Variants in SLC38A2 observed in about 807,000 individuals in gnomAD.
The protein encoded by SLC38A2 is sodium-coupled neutral amino acid symporter 2.
SLC38A2 carries 11 observed loss-of-function variants against 61.5 expected under a neutral mutation model. The ratio of observed to expected loss-of-function variants is 0.18; its 90% CI spans 0.11 to 0.30. The LOEUF is 0.30. SLC38A2 is among the 10% of genes least tolerant of loss of function. The pLI is 1.00. For synonymous variants in SLC38A2, 217 were observed against 212.5 expected, an observed-to-expected ratio of 1.02 and a Z score of -0.18; for missense variants, 522 against 600.4, an observed-to-expected ratio of 0.87 and a Z score of 1.36.
chr12:46,365,529 T>A (rs562630832), intron 7 of SLC38A2, among the ~76,000 whole-genome samples: 1 of 152,260 alleles, frequency 6.6e-6, no homozygotes, highest in Admixed American at 6.5e-5. Context: ...TAATCTTATC[T>A]TTAAGCACTT....
In SLC38A2 at chr12:46,368,234, T is replaced by C. The variant is rs138570558; in HGVS notation, c.315-894A>G. Among the ~76,000 whole-genome samples, 164 of 152,286 alleles carry C rather than the reference T, an allele frequency of 1.1e-3. No homozygotes were observed. The East Asian group carries it at 0.015, about 14-fold the overall frequency. On this transcript the variant is annotated intron_variant, in intron 4 of 15. Transcript: ENST00000256689. ...TGGGCACAAATCAGAGAACTAACCATTGTGATGACATACTACATTGCACCC... is the reference window on the plus strand; with the variant it reads ...TGGGCACAAATCAGAGAACTAACCACTGTGATGACATACTACATTGCACCC...
At chr12:46,372,078 C>CA (rs780354866) in intron 1 of SLC38A2, among the ~76,000 whole-genome samples, 12 of 152,246 alleles carry the variant, frequency 7.9e-5, no homozygotes, top group Admixed American at 2.0e-4. Context: ...CGTCGATTGT[C>CA]AAATGTTCCC....
At chr12:46,368,228 T>G (rs550912144) in intron 4 of SLC38A2, among the ~76,000 whole-genome samples, 9 of 152,132 alleles carry the variant, frequency 5.9e-5, no homozygotes, top group African/African-American at 1.9e-4. Flanking sequence ...ATCAGAGAAC[T>G]AACCATTGTG....
At chr12:46,361,997 T>C in intron 15 of SLC38A2, 1 of 249,084 alleles carries the variant, frequency 4.0e-6, no homozygotes, top group Non-Finnish European at 7.7e-6. Flanking sequence ...TGAAAACTGG[T>C]TGAACAAATG....
intron 1 of SLC38A2, chr12:46,371,646 C>T (rs913064123): frequency 7.9e-6 from 2 of 252,278 alleles, no homozygotes; most frequent in South Asian, 5.0e-5. Flanking sequence ...CTCTATTGTC[C>T]CTCGTCGGAG....
Position 46,363,035 on chromosome 12 carries a change from C to T in SLC38A2, c.1165G>A (p.Val389Ile). The change falls in exon 13 of 16, where the codon GTA (valine) becomes ATA (isoleucine). Residue 389 changes from valine (V) to isoleucine (I), a missense_variant. Val to Ile is a conservative substitution (Grantham distance 29). Around this residue, in one of 3 missense-constraint regions of SLC38A2, gnomAD observed 309 missense variants for 343.9 expected, o/e 0.90. Transcript: ENST00000256689. ...VLMAVTLTVP[V>I]VIFPIRSSVT... ...TGATTACTTACTGGGAAAATAACTA[C>T]TGGTACTGTCAGGGTCACAGCCATT... 6.2e-7 allele frequency: 1 copy of T among 1,612,910 alleles called. No individual in the cohort carries two copies. Among genetic ancestry groups the T allele is most frequent in the Non-Finnish European group, 8.5e-7 (1 of 1,179,168 alleles).
In SLC38A2 at chr12:46,359,074, G is replaced by T. The variant is rs1943053206; in HGVS notation, c.*2037C>A. ...TTTCCATTCCTTCCTGGTTGCCACAGTATCTTCTCCCATACAAAAAAAAAA... is the reference window on the plus strand; with the variant it reads ...TTTCCATTCCTTCCTGGTTGCCACATTATCTTCTCCCATACAAAAAAAAAA... On this transcript the variant is annotated 3_prime_UTR_variant, in exon 16 of 16. Transcript: ENST00000256689. 7.5e-6 allele frequency: 1 copy of T among 132,734 alleles called. No homozygotes were observed. The highest frequency in any genetic ancestry group is 3.1e-5 in the African/African-American group (1 of 32,176). The allele number at this position is 132,734 out of a possible 1,614,324, so 8.2% of individuals were successfully genotyped here. A position where few individuals can be genotyped will look rare whatever the true frequency, so the allele number is the denominator to read the frequency against.
rs543612214 is a variant in SLC38A2, at chr12:46,367,646, G to A, written c.315-306C>T. Among the ~76,000 whole-genome samples the A allele has an allele frequency of 4.3e-4, 65 of 152,302 alleles. 1 individual carries two copies. The South Asian group carries it at 0.013, about 31-fold the overall frequency. ...GCTCAACTTCCCAGTGATGGAGTTT[G>A]AAACTTGTATTTTGATTCTGGCACC... On this transcript the variant is annotated intron_variant, in intron 4 of 15. Transcript: ENST00000256689.
rs965416839 is a variant in SLC38A2, at chr12:46,360,570, T to C, written c.*541A>G. On this transcript the variant is annotated 3_prime_UTR_variant, in exon 16 of 16. Transcript: ENST00000256689. Reference sequence around the variant, plus strand: ...ATTCATTTTTAAATACCAATGACATTATTTTATGGAATTTATTGATAACTG... The same window carrying C: ...ATTCATTTTTAAATACCAATGACATCATTTTATGGAATTTATTGATAACTG... 1 of 152,366 alleles carries C rather than the reference T, an allele frequency of 6.6e-6. No individual in the cohort carries two copies. The highest frequency in any genetic ancestry group is 1.5e-5 in the Non-Finnish European group (1 of 68,048). The allele number at this position is 152,366 out of a possible 1,614,324, so 9.4% of individuals were successfully genotyped here.
At position 46,362,378 on chromosome 12, in the gene SLC38A2, G is replaced by A; in HGVS notation, c.1328C>T (p.Ala443Val). The A allele has an allele frequency of 1.2e-6, 2 of 1,608,932 alleles. No individual in the cohort carries two copies. Among genetic ancestry groups the A allele is most frequent in the Non-Finnish European group, 1.7e-6 (2 of 1,178,048 alleles). The change falls in exon 15 of 16, where the codon GCA becomes GTA. Residue 443 changes from alanine (A) to valine (V), a missense_variant. Around this residue, in one of 3 missense-constraint regions of SLC38A2, gnomAD observed 309 missense variants for 343.9 expected, o/e 0.90. Coordinates refer to ENST00000256689, the MANE Select transcript of SLC38A2 (RefSeq NM_018976.5). ...TIRDIFGFIG[A>V]SAASMLIFIL... ...AAAAATCAACATAGAAGCTGCAGAT[G>A]CACCTGTAAAACAACATTTATGTTT...
Position 46,362,538 on chromosome 12 carries a change from A to C in SLC38A2, c.1280T>G (p.Leu427Arg). Residue 427 changes from leucine to arginine, a missense_variant, in exon 14 of 16, where the codon CTT becomes CGT. By Grantham distance (102) the Leu-to-Arg change is moderately radical. Coordinates refer to ENST00000256689, the MANE Select transcript of SLC38A2 (RefSeq NM_018976.5). ...CCTAATAGTTGGGACAAAGATGACA[A>C]GTAAATTGGTAAATGCCAAGATAGA... ...TVSILAFTNL[L>R]VIFVPTIRDI... is the part of the protein sequence containing the mutation. The C allele has an allele frequency of 6.3e-7, 1 of 1,599,542 alleles. No homozygotes were observed.
At chr12:46,371,501 G>A in intron 1 of SLC38A2, 122 bp from the exon 2 acceptor site, 2 of 531,848 alleles carry the variant, frequency 3.8e-6, no homozygotes, top group Admixed American at 3.7e-5. Context: ...AGTACCAGCC[G>A]CGCGCGAGGG....
Position 46,364,492 on chromosome 12 carries a change from A to T in SLC38A2, c.770T>A (p.Ile257Lys), listed in dbSNP as rs1943117865. The T allele has an allele frequency of 6.2e-7, 1 of 1,612,536 alleles. No homozygotes were observed. The highest frequency in any genetic ancestry group is 1.1e-5 in the South Asian group (1 of 90,786). ...VEAALIINET[I>K]NTTLTQPTAL... ...TGTTGGCTGTGTTAAGGTGGTGTTTATTGTTTCGTTAATTATCAAAGCAGC... is the reference window on the plus strand; with the variant it reads ...TGTTGGCTGTGTTAAGGTGGTGTTTTTTGTTTCGTTAATTATCAAAGCAGC... Residue 257 changes from isoleucine to lysine, a missense_variant, in exon 10 of 16, where the codon ATA (isoleucine) becomes AAA (lysine). By Grantham distance (102) the Ile-to-Lys change is moderately radical. This residue lies in a region of SLC38A2 where 309 missense variants were observed against 343.9 expected (regional missense o/e 0.90). Coordinates refer to ENST00000256689, the MANE Select transcript of SLC38A2 (RefSeq NM_018976.5).
At chr12:46,368,501 G>A (rs556880215) in intron 4 of SLC38A2, among the ~76,000 whole-genome samples, 2 of 152,248 alleles carry the variant, frequency 1.3e-5, no homozygotes, top group East Asian at 3.9e-4. Flanking sequence ...CTTCCACCTA[G>A]GAGAGCCCAG....
chr12:46,365,053 C>A, intron 8 of SLC38A2, 54 bp downstream of exon 8: 2 of 1,432,992 alleles, frequency 1.4e-6, no homozygotes, highest in Non-Finnish European at 1.9e-6. Flanking sequence ...AGAGAAAGCC[C>A]AACTAACTGG....
Position 46,371,198 on chromosome 12 carries a change from G to A in SLC38A2, c.96C>T (p.Thr32=). Residue 32 remains threonine, a synonymous_variant, in exon 2 of 16, where the codon ACC becomes ACT. Transcript: ENST00000256689. ...CCCACCTTTTCAGAGCAGCTTGCTT[G>A]GTGGGGTAGGAGTAGTTGAAGTCGC... ...SNSDFNYSYP[T]KQAALKSHYA... The A allele has an allele frequency of 3.7e-6, 6 of 1,614,214 alleles. No homozygotes were observed. The highest frequency in any genetic ancestry group is 2.5e-6 in the Non-Finnish European group (3 of 1,180,024).
rs760768314 is a variant in SLC38A2 at position 46,361,155 on chromosome 12, T to C, written c.1477A>G (p.Ile493Val). The stretch of plus-strand genomic sequence containing the variant: ...GCATTGTGTACCCAATCCAAAACAA[T>C]CAAGGCCATGCTTCCGGTCATCACC... ...VLVMTGSMAL[I>V]VLDWVHNAPG... The change falls in exon 16 of 16, where the codon ATT (isoleucine) becomes GTT (valine). Residue 493 changes from isoleucine (I) to valine (V), a missense_variant. This residue lies in a region of SLC38A2 where 309 missense variants were observed against 343.9 expected (regional missense o/e 0.90). Transcript: ENST00000256689. The C allele has an allele frequency of 1.1e-5, 17 of 1,613,472 alleles. No homozygotes were observed. The highest frequency in any genetic ancestry group is 1.3e-5 in the African/African-American group (1 of 74,862).
At chr12:46,361,254 A>G (rs1385435025) in intron 15 of SLC38A2, 45 bp from the exon 16 acceptor site, 2 of 1,454,818 alleles carry the variant, frequency 1.4e-6, no homozygotes, top group Admixed American at 1.7e-5. Flanking sequence ...AATAAAACAT[A>G]TATGCTAAAC....
chr12:46,365,398 A>G, intron 7 of SLC38A2: 1 of 582,788 alleles, frequency 1.7e-6, no homozygotes, highest in Non-Finnish European at 3.0e-6. Context: ...AGTCGGGTAT[A>G]AAACAGTGTA....
Sources: gnomAD v4.1 joint callset for allele counts (sites outside exome capture counted in the v4.1 genomes callset) on GRCh38, gnomAD v4.1.1 for gene constraint, gnomAD v4.1.1 regional missense constraint, MANE v1.5 for transcripts, NCBI Gene and HGNC (gene_info 2026-07-23, HGNC 2026-07-21) for gene names.